The following GOLGA8B variants were observed in gnomAD, a reference collection of about 807,000 sequenced individuals.
GOLGA8B encodes the protein golgin A8 family member B, also known as golgin subfamily A member 8B.
Under a neutral mutation model 15.6 loss-of-function variants are expected in GOLGA8B, and 1 was observed. The ratio of observed to expected loss-of-function variants is 0.06; its 90% CI spans 0.02 to 0.30. The LOEUF (loss-of-function observed/expected upper bound fraction) is 0.30, where lower values mean the gene tolerates loss of function less well. Among genes scored for constraint, GOLGA8B ranks in the 10% least tolerant of loss-of-function variants. The pLI is 1.00. For synonymous variants in GOLGA8B, 9 were observed against 80.3 expected, an observed-to-expected ratio of 0.11 and a Z score of 4.75; for missense variants, 17 against 201.3, an observed-to-expected ratio of 0.08 and a Z score of 5.54.
chr15:34,573,843 C>T (rs1178162624), intron 1 of GOLGA8B, among the ~76,000 whole-genome samples: 1 of 151,660 alleles, frequency 6.6e-6, no homozygotes, highest in East Asian at 1.9e-4. Context: ...GACACTAGGC[C>T]AAGCTTCAAA....
intron 1 of GOLGA8B, among the ~76,000 whole-genome samples, chr15:34,564,528 T>C (rs3853305): frequency 0.11 from 13,115 of 114,066 alleles, 259 homozygotes; most frequent in Non-Finnish European, 0.17. Flanking sequence ...AGACATTGAG[T>C]CTAGGCCAGT....
At chr15:34,569,624 C>T (rs1417307430) in intron 1 of GOLGA8B, among the ~76,000 whole-genome samples, 2 of 151,752 alleles carry the variant, frequency 1.3e-5, no homozygotes, top group Non-Finnish European at 1.5e-5. Flanking sequence ...AAAATGATGC[C>T]CATCACCATA....
At chr15:34,549,394 CA>C (rs1888352963) in intron 4 of GOLGA8B, among the ~76,000 whole-genome samples, 1 of 27,590 alleles carries the variant, frequency 3.6e-5, no homozygotes, top group African/African-American at 1.3e-4. Context: ...CAAACCCCAG[CA>C]ATTTTTGAAA....
rs349659 is a variant in GOLGA8B at position 34,556,906 on chromosome 15, A to C, written c.-1122-2950T>G. The C allele has an allele frequency of 6.7e-6, 6 of 892,582 alleles. No homozygotes were observed. In the African/African-American group the frequency reaches 7.1e-5, roughly 11 times the overall value. 55.3% of individuals were successfully genotyped at this position (892,582 alleles called of 1,614,324 possible). ...AGGCCTCGCAGATGCTGAAGCGAGG[A>C]GGTGGGCAGTACTGGGTGCCTTACA... is the stretch of plus-strand genomic sequence containing the variant. On this transcript the variant is annotated intron_variant, in intron 1 of 23. Coordinates refer to ENST00000683415, the MANE Select transcript of GOLGA8B (RefSeq NM_001023567.5).
chr15:34,564,454 G>C (rs3853304), intron 1 of GOLGA8B, among the ~76,000 whole-genome samples: 2 of 145,040 alleles, frequency 1.4e-5, no homozygotes, highest in African/African-American at 2.5e-5. Context: ...ATTCACATTA[G>C]AAACAGCTGA....
At chr15:34,583,234 G>A (rs913489375) in intron 1 of GOLGA8B, among the ~76,000 whole-genome samples, 4 of 151,852 alleles carry the variant, frequency 2.6e-5, no homozygotes, top group Non-Finnish European at 5.9e-5. Context: ...ACCGCGGTGA[G>A]CCCCTCCCGG....
intron 1 of GOLGA8B, chr15:34,566,363 T>C (rs1227231257): frequency 7.0e-6 from 1 of 143,586 alleles, no homozygotes; most frequent in Non-Finnish European, 1.6e-5. Flanking sequence ...CCATAATTTT[T>C]AAAAACTAAG....
In GOLGA8B at chr15:34,525,115, TTTA is replaced by T. The variant is rs1175349029; in HGVS notation, c.*2514_*2516del. On this transcript the variant is annotated 3_prime_UTR_variant, in exon 24 of 24. Transcript: ENST00000683415. The stretch of plus-strand genomic sequence containing the variant: ...ATAACTTTTTTAATCCCATACCTTT[TTTA>T]TTTTGTGTTCTTTTAATAAACACTT... 1.3e-5 allele frequency: 2 copies of T among 149,920 alleles called. No individual in the cohort carries two copies. The highest frequency in any genetic ancestry group is 3.0e-5 in the Non-Finnish European group (2 of 67,308). 9.3% of individuals were successfully genotyped at this position (149,920 alleles called of 1,614,324 possible). A position where few individuals can be genotyped will look rare whatever the true frequency, so the allele number is the denominator to read the frequency against.
intron 1 of GOLGA8B, among the ~76,000 whole-genome samples, chr15:34,578,918 C>T (rs1889156012): frequency 6.6e-6 from 1 of 152,146 alleles, no homozygotes; most frequent in Non-Finnish European, 1.5e-5. Flanking sequence ...TGACAGGCCT[C>T]CTCTGCATTC....
chr15:34,563,552 C>A (rs1398942556), intron 1 of GOLGA8B, among the ~76,000 whole-genome samples: 1 of 149,242 alleles, frequency 6.7e-6, no homozygotes, highest in Non-Finnish European at 1.5e-5. Flanking sequence ...CTCTTGGTAA[C>A]CCCATCCCTT....
At position 34,559,080 on chromosome 15, in the gene GOLGA8B, T is replaced by C. The variant is rs1284126020; in HGVS notation, c.-1122-5124A>G. 3.1e-4 allele frequency among the ~76,000 whole-genome samples: 40 copies of C among 128,428 alleles called. 1 individual carries two copies. Among genetic ancestry groups the C allele is most frequent in the African/African-American group, 1.3e-3 (40 of 31,606 alleles). The allele number at this position is 128,428 out of a possible 152,430, so 84.3% of individuals were successfully genotyped here. A position where few individuals can be genotyped will look rare whatever the true frequency, so the allele number is the denominator to read the frequency against. On this transcript the variant is annotated intron_variant, in intron 1 of 23. Transcript: ENST00000683415. The stretch of plus-strand genomic sequence containing the variant: ...GGATTTCACATGCAATAGAATTTCA[T>C]TCACCCTGAAAAGGGAAGGAAATTC...
chr15:34,565,222 G>A lies in GOLGA8B; in HGVS notation c.-1122-11266C>T, dbSNP rs1306484101. Among the ~76,000 whole-genome samples the A allele has an allele frequency of 2.2e-5, 3 of 138,140 alleles. 1 individual carries two copies. Among genetic ancestry groups the A allele is most frequent in the Admixed American group, 2.2e-4 (3 of 13,834 alleles). The allele number at this position is 138,140 out of a possible 152,430, so 90.6% of individuals were successfully genotyped here. A position where few individuals can be genotyped will look rare whatever the true frequency, so the allele number is the denominator to read the frequency against. ...GTGATCTTGGCTCACTGCAACCTCC[G>A]CCTCCCAGGTTCAAGCAATTCTGTG... is the stretch of plus-strand genomic sequence containing the variant. On this transcript the variant is annotated intron_variant, in intron 1 of 23. Coordinates refer to ENST00000683415, the MANE Select transcript of GOLGA8B (RefSeq NM_001023567.5).
Position 34,528,217 on chromosome 15 carries a change from CTGA to C in GOLGA8B, c.1422_1424del (p.His474del), listed in dbSNP as rs1888129855. The stretch of plus-strand genomic sequence containing the variant: ...CCTCTCCTCCTTGTCCTGGGCCAGC[CTGA>C]TGATGGCCTCCTCCCGGTGACGCAT... On this transcript the variant is annotated inframe_deletion, in exon 22 of 24. Transcript: ENST00000683415. 7.5e-6 allele frequency: 3 copies of C among 402,410 alleles called. No homozygotes were observed. The highest frequency in any genetic ancestry group is 5.9e-4 in the Middle Eastern group (1 of 1,686). The allele number at this position is 402,410 out of a possible 1,614,324, so 24.9% of individuals were successfully genotyped here.
intron 1 of GOLGA8B, among the ~76,000 whole-genome samples, chr15:34,574,625 G>C (rs1244732823): frequency 2.0e-5 from 3 of 152,054 alleles, no homozygotes; most frequent in African/African-American, 7.3e-5. Flanking sequence ...TTTCTAAGGA[G>C]CCTAACAAGT....
rs349648 is a variant in GOLGA8B at position 34,563,864 on chromosome 15, T to C, written c.-1122-9908A>G. Among the ~76,000 whole-genome samples, 97 of 136,738 alleles carry C rather than the reference T, an allele frequency of 7.1e-4. 1 individual carries two copies. The highest frequency in any genetic ancestry group is 2.2e-3 in the East Asian group (11 of 4,924). 89.7% of individuals were successfully genotyped at this position (136,738 alleles called of 152,430 possible). On this transcript the variant is annotated intron_variant, in intron 1 of 23. Coordinates refer to ENST00000683415, the MANE Select transcript of GOLGA8B (RefSeq NM_001023567.5). ...ATAATAAACACTGTTAGAATGCATA[T>C]GGTAGTGTTTTATTTTTGCATTTTT...
At chr15:34,567,939 A>G (rs1381448797) in intron 1 of GOLGA8B, among the ~76,000 whole-genome samples, 1 of 151,702 alleles carries the variant, frequency 6.6e-6, no homozygotes, top group Non-Finnish European at 1.5e-5. Flanking sequence ...TACAAATTTC[A>G]GAACCCATCC....
intron 1 of GOLGA8B, among the ~76,000 whole-genome samples, chr15:34,577,102 T>C (rs1889104151): frequency 1.3e-5 from 2 of 151,842 alleles, no homozygotes. Flanking sequence ...TTCCAGTTCC[T>C]AACACATGCC....
At chr15:34,573,339 C>A (rs1323731510) in intron 1 of GOLGA8B, among the ~76,000 whole-genome samples, 5 of 152,024 alleles carry the variant, frequency 3.3e-5, no homozygotes, top group Non-Finnish European at 7.4e-5. Flanking sequence ...GAGATCAAGA[C>A]CATCCTGGCT....
intron 1 of GOLGA8B, chr15:34,582,867 G>T (rs1231516817): frequency 6.6e-6 from 1 of 152,224 alleles, no homozygotes; most frequent in African/African-American, 2.4e-5. Flanking sequence ...GCCTGGCCTG[G>T]AGAAGGGGCC....
Sources: allele counts gnomAD v4.1 joint callset (sites outside exome capture counted in the v4.1 genomes callset), GRCh38; gene constraint gnomAD v4.1.1; transcripts MANE v1.5; gene names NCBI Gene and HGNC (gene_info 2026-07-23, HGNC 2026-07-21).